The following CPA5 variants were observed in gnomAD, a reference collection of about 807,000 sequenced individuals.
CPA5 encodes testicular tissue protein Li 32.
CPA5 carries 38 observed loss-of-function variants against 52.2 expected under a neutral mutation model. That is an observed-to-expected ratio of 0.73 (90% confidence interval 0.56 to 0.95). The LOEUF (loss-of-function observed/expected upper bound fraction) is 0.95. Ranked by LOEUF, CPA5 falls within the 40% of genes least tolerant of loss-of-function variation. CPA5 has a pLI of 0.00. For synonymous variants in CPA5, 198 were observed against 213.7 expected, an observed-to-expected ratio of 0.93 and a Z score of 0.64; for missense variants, 519 against 566.7, an observed-to-expected ratio of 0.92 and a Z score of 0.86.
chr7:130,347,930 T>C, intron 4 of CPA5, 83 bp downstream of exon 4: 1 of 1,061,622 alleles, frequency 9.4e-7, no homozygotes, highest in Non-Finnish European at 1.4e-6. Context: ...CCCCCCTTTA[T>C]CCCAAACCTG....
the CPA5 span, among the ~76,000 whole-genome samples, chr7:130,374,395 C>T: frequency 2.8e-4 from 43 of 152,222 alleles, no homozygotes; most frequent in Non-Finnish European, 5.3e-4. Flanking sequence ...TTACCAGGCT[C>T]TTGCTCTGGG....
At chr7:130,357,300 C>T (rs1344183119) in intron 5 of CPA5, among the ~76,000 whole-genome samples, 4 of 152,106 alleles carry the variant, frequency 2.6e-5, no homozygotes, top group Non-Finnish European at 5.9e-5. Flanking sequence ...GGAGGGACAC[C>T]GCTCTTCCTG....
intron 5 of CPA5, among the ~76,000 whole-genome samples, chr7:130,352,461 G>A (rs992515890): frequency 6.6e-6 from 1 of 151,998 alleles, no homozygotes; most frequent in East Asian, 1.9e-4. Flanking sequence ...ACTGCACGCC[G>A]TGCTTCTGAG....
intron 5 of CPA5, among the ~76,000 whole-genome samples, chr7:130,357,821 A>G (rs1554405578): frequency 6.6e-6 from 1 of 152,110 alleles, no homozygotes; most frequent in Non-Finnish European, 1.5e-5. Context: ...CATTGTAAAA[A>G]TCTTTCAAAT....
Position 130,368,488 on chromosome 7 carries a change from C to A in CPA5, c.1202C>A (p.Thr401Asn). ...GCCTTCAGCTTTGAGCTCCGGGACA[C>A]TGGGCAGTATGGCTTCCTGCTGCCG... ...KYAFSFELRD[T>N]GQYGFLLPAT... Residue 401 changes from threonine (T) to asparagine (N), a missense_variant, in exon 13 of 13, where the codon ACT (threonine) becomes AAT (asparagine). Physicochemically the swap from Thr to Asn is moderately conservative, Grantham distance 65. Coordinates refer to ENST00000474905, the MANE Select transcript of CPA5 (RefSeq NM_080385.5). The A allele has an allele frequency of 6.2e-7, 1 of 1,614,166 alleles. No individual in the cohort carries two copies. The highest frequency in any genetic ancestry group is 1.1e-5 in the South Asian group (1 of 91,084).
intron 7 of CPA5, among the ~76,000 whole-genome samples, 198 bp downstream of exon 7, chr7:130,361,442 G>A (rs782804983): frequency 3.9e-5 from 6 of 152,196 alleles, no homozygotes; most frequent in Non-Finnish European, 7.3e-5. Flanking sequence ...TGACAGTGTG[G>A]TGACCTAGCC....
intron 5 of CPA5, among the ~76,000 whole-genome samples, chr7:130,353,068 T>TCGCC (rs1483900511): frequency 2.0e-5 from 3 of 152,080 alleles, no homozygotes; most frequent in African/African-American, 7.2e-5. Context: ...CCAATTTCCC[T>TCGCC]CGCCCTAGTG....
intron 4 of CPA5, among the ~76,000 whole-genome samples, chr7:130,348,263 G>A (rs1316117589): frequency 1.3e-5 from 2 of 152,294 alleles, no homozygotes; most frequent in Admixed American, 6.5e-5. Flanking sequence ...ATCTGGGTTC[G>A]TCCCCGTCAG....
At chr7:130,373,487 A>C (rs1256106257), downstream of CPA5, among the ~76,000 whole-genome samples, 1 of 152,226 alleles carries the variant, frequency 6.6e-6, no homozygotes, top group Non-Finnish European at 1.5e-5. Flanking sequence ...TAAAAAAACA[A>C]ACCAGGCAGG....
chr7:130,363,107 C>T, intron 9 of CPA5, 113 bp downstream of exon 9: 1 of 672,488 alleles, frequency 1.5e-6, no homozygotes, highest in South Asian at 1.8e-5. Flanking sequence ...AAGCCCTCAC[C>T]AAGGGCAGGA....
chr7:130,364,501 T>C (rs1030397101), intron 10 of CPA5, among the ~76,000 whole-genome samples: 1 of 152,206 alleles, frequency 6.6e-6, no homozygotes, highest in African/African-American at 2.4e-5. Context: ...CCAATTTTTG[T>C]ATTTTTAAAA....
intron 5 of CPA5, among the ~76,000 whole-genome samples, chr7:130,356,683 T>C (rs1795493384): frequency 6.6e-6 from 1 of 152,240 alleles, no homozygotes; most frequent in Non-Finnish European, 1.5e-5. Flanking sequence ...GCCTCCAAGC[T>C]CTTGTGTGGA....
intron 10 of CPA5, among the ~76,000 whole-genome samples, chr7:130,366,034 G>A (rs1377385707): frequency 1.3e-5 from 2 of 152,244 alleles, no homozygotes; most frequent in Non-Finnish European, 2.9e-5. Flanking sequence ...CCTCCCTGGG[G>A]CCAGCAAGAG....
At chr7:130,351,414 C>T (rs1562949969) in intron 5 of CPA5, among the ~76,000 whole-genome samples, 2 of 152,166 alleles carry the variant, frequency 1.3e-5, no homozygotes, top group Non-Finnish European at 2.9e-5. Context: ...ACATCAGGGA[C>T]GGCCCCAGAG....
chr7:130,348,672 T>G (rs1794928988), intron 4 of CPA5, among the ~76,000 whole-genome samples: 1 of 152,092 alleles, frequency 6.6e-6, no homozygotes, highest in Non-Finnish European at 1.5e-5. Context: ...CTGACGAAGT[T>G]GCAATGAGTA....
chr7:130,364,564 T>G (rs1416839027), intron 10 of CPA5, among the ~76,000 whole-genome samples: 1 of 152,254 alleles, frequency 6.6e-6, no homozygotes, highest in Non-Finnish European at 1.5e-5. Context: ...CTTGAACTTT[T>G]GGGCTCAAGT....
chr7:130,347,932 C>A, intron 4 of CPA5, 85 bp downstream of exon 4: 1 of 1,012,776 alleles, frequency 9.9e-7, no homozygotes, highest in Non-Finnish European at 1.5e-6. Flanking sequence ...CCCCTTTATC[C>A]CAAACCTGCC....
intron 6 of CPA5, among the ~76,000 whole-genome samples, chr7:130,360,188 C>T (rs1202941270): frequency 6.6e-6 from 1 of 152,240 alleles, no homozygotes; most frequent in Non-Finnish European, 1.5e-5. Flanking sequence ...TGTGAAGCCA[C>T]ATTTTGTGTT....
chr7:130,352,688 G>C (rs1329562985), intron 5 of CPA5, among the ~76,000 whole-genome samples: 1 of 152,190 alleles, frequency 6.6e-6, no homozygotes. Context: ...CCCTGACAGT[G>C]ACAGTGTTGA....
Sources: gnomAD v4.1 joint callset for allele counts (sites outside exome capture counted in the v4.1 genomes callset) on GRCh38, gnomAD v4.1.1 for gene constraint, MANE v1.5 for transcripts, NCBI Gene and HGNC (gene_info 2026-07-23, HGNC 2026-07-21) for gene names.